Variants in TUBB8B observed in about 807,000 individuals in gnomAD.
TUBB8B encodes the protein HSA18p11 beta-tubulin 4Q pseudogene.
TUBB8B carries 26 observed loss-of-function variants against 31.9 expected under a neutral mutation model. The ratio of observed to expected loss-of-function variants is 0.81; its 90% confidence interval spans 0.60 to 1.13. TUBB8B has a LOEUF of 1.13. Ranked by LOEUF, TUBB8B falls within the 50% of genes most tolerant of loss-of-function variation. The probability of loss-of-function intolerance (pLI) is 0.00; values close to 1 mark genes in which losing one functional copy is unlikely to be tolerated. For missense variants in TUBB8B, 467 were observed against 586.7 expected, an observed-to-expected ratio of 0.80 and a Z score of 2.11; for synonymous variants, 173 against 231.0, an observed-to-expected ratio of 0.75 and a Z score of 2.28.
the TUBB8B span, among the ~76,000 whole-genome samples, chr18:62,976 T>C: frequency 6.6e-6 from 1 of 151,850 alleles, no homozygotes; most frequent in Non-Finnish European, 1.5e-5. Context: ...GAATTTCTGC[T>C]TTATTCTTTT....
the TUBB8B span, among the ~76,000 whole-genome samples, chr18:62,723 T>C: frequency 6.6e-6 from 1 of 151,894 alleles, no homozygotes. Flanking sequence ...ACTGGGCCAA[T>C]AAATGTTTAG....
Position 47,326 on chromosome 18 carries a change from A to C in TUBB8B, c.*64T>G. ...CAAATTAACAAGCGTATAGTGACACATGGCTGTCAGAACACAGTAAAGAAT... is the reference window on the plus strand; with the variant it reads ...CAAATTAACAAGCGTATAGTGACACCTGGCTGTCAGAACACAGTAAAGAAT... On this transcript the variant is annotated 3_prime_UTR_variant, in exon 4 of 4. Transcript: ENST00000308911. 1.6e-6 allele frequency: 1 copy of C among 618,854 alleles called. No individual in the cohort carries two copies. Among genetic ancestry groups the C allele is most frequent in the Non-Finnish European group, 2.8e-6 (1 of 353,164 alleles). The allele number at this position is 618,854 out of a possible 1,614,324, so 38.3% of individuals were successfully genotyped here. A position where few individuals can be genotyped will look rare whatever the true frequency, so the allele number is the denominator to read the frequency against.
the TUBB8B span, among the ~76,000 whole-genome samples, chr18:72,899 G>A: frequency 3.3e-5 from 5 of 152,092 alleles, no homozygotes; most frequent in South Asian, 2.1e-4. Context: ...CCCAGGAGGC[G>A]GAGGTTGCAG....
At chr18:63,485 G>A in the TUBB8B span, among the ~76,000 whole-genome samples, 4 of 151,002 alleles carry the variant, frequency 2.6e-5, no homozygotes, top group East Asian at 1.9e-4. Context: ...TGGAGTTGGG[G>A]TAATATAAGC....
chr18:69,008 A>G, the TUBB8B span, among the ~76,000 whole-genome samples: 1 of 152,234 alleles, frequency 6.6e-6, no homozygotes, highest in Non-Finnish European at 1.5e-5. Context: ...AGTAAAGTTA[A>G]TAATGTGGTT....
chr18:58,913 G>C, the TUBB8B span, among the ~76,000 whole-genome samples: 1 of 151,802 alleles, frequency 6.6e-6, no homozygotes, highest in South Asian at 2.1e-4. Context: ...GAAGTTTACA[G>C]TCATGGCAAA....
the TUBB8B span, among the ~76,000 whole-genome samples, chr18:59,464 G>C: frequency 6.6e-6 from 1 of 150,874 alleles, no homozygotes; most frequent in East Asian, 1.9e-4. Context: ...GTTTTCAAAG[G>C]GTTTATTATT....
At chr18:67,224 T>C in the TUBB8B span, among the ~76,000 whole-genome samples, 2 of 152,238 alleles carry the variant, frequency 1.3e-5, no homozygotes, top group African/African-American at 4.8e-5. Flanking sequence ...ATCGATCTCC[T>C]GATCTCATGG....
At chr18:67,536 C>T in the TUBB8B span, among the ~76,000 whole-genome samples, 1 of 152,146 alleles carries the variant, frequency 6.6e-6, no homozygotes, top group East Asian at 1.9e-4. Flanking sequence ...GGGACGGTGT[C>T]TGGCTATGGT....
chr18:55,036 G>C, the TUBB8B span, among the ~76,000 whole-genome samples: 21 of 151,722 alleles, frequency 1.4e-4, no homozygotes, highest in Admixed American at 1.2e-3. Context: ...AGAATGTTTT[G>C]AACTCAATAT....
At chr18:58,747 C>A in the TUBB8B span, among the ~76,000 whole-genome samples, 9 of 151,790 alleles carry the variant, frequency 5.9e-5, 1 homozygote, top group African/African-American at 1.9e-4. Flanking sequence ...ATTTTCCACT[C>A]CTTTGTGCCA....
the TUBB8B span, among the ~76,000 whole-genome samples, chr18:61,536 C>T: frequency 6.6e-6 from 1 of 151,480 alleles, no homozygotes; most frequent in Admixed American, 6.6e-5. Context: ...TTCTTTCTTC[C>T]TGTCTTCCTT....
At chr18:63,511 A>G in the TUBB8B span, among the ~76,000 whole-genome samples, 1 of 151,552 alleles carries the variant, frequency 6.6e-6, no homozygotes, top group East Asian at 1.9e-4. Flanking sequence ...TGAGGCCATC[A>G]CCACTGAGAC....
the TUBB8B span, among the ~76,000 whole-genome samples, chr18:60,010 T>C: frequency 2.6e-4 from 39 of 151,952 alleles, 2 homozygotes; most frequent in African/African-American, 8.9e-4. Context: ...TTCTCAAATA[T>C]GGGCCCGTAG....
upstream of TUBB8B, among the ~76,000 whole-genome samples, chr18:52,638 T>A (rs1906155194): frequency 6.6e-6 from 1 of 151,776 alleles, no homozygotes; most frequent in African/African-American, 2.4e-5. Context: ...TTCCTTGGAG[T>A]GGGGGTCTTG....
At chr18:53,841 GC>G (rs1255185692), upstream of TUBB8B, among the ~76,000 whole-genome samples, 1 of 142,178 alleles carries the variant, frequency 7.0e-6, no homozygotes, top group Non-Finnish European at 1.5e-5. Flanking sequence ...CAGTTCATGG[GC>G]CTAAAGTAGG....
chr18:57,741 T>A, the TUBB8B span, among the ~76,000 whole-genome samples: 1 of 151,854 alleles, frequency 6.6e-6, no homozygotes, highest in South Asian at 2.1e-4. Context: ...ACTGCATTGT[T>A]TTAGTAGAGG....
At chr18:63,726 CCCTAACCCTAACT>C in the TUBB8B span, among the ~76,000 whole-genome samples, 2 of 141,992 alleles carry the variant, frequency 1.4e-5, no homozygotes, top group South Asian at 2.3e-4. Context: ...TAACCCTAAC[CCCTAACCCTAACT>C]CTAACCCTAA....
chr18:68,027 G>A, the TUBB8B span, among the ~76,000 whole-genome samples: 12,737 of 110,350 alleles, frequency 0.12, 1 homozygote, highest in African/African-American at 0.24. Flanking sequence ...TATTGCAGCC[G>A]CAATACTGAT....
Sources: allele counts gnomAD v4.1 joint callset (sites outside exome capture counted in the v4.1 genomes callset), GRCh38; gene constraint gnomAD v4.1.1; transcripts MANE v1.5; gene names NCBI Gene and HGNC (gene_info 2026-07-23, HGNC 2026-07-21).